IL16: variants seen among roughly 807,000 people sequenced by gnomAD.
IL16 encodes the protein interleukin 16.
A neutral mutation model predicts 110.1 loss-of-function variants in IL16; 67 were observed. The ratio of observed to expected loss-of-function variants is 0.61; its 90% CI spans 0.50 to 0.75. The LOEUF (loss-of-function observed/expected upper bound fraction) is 0.75. Ranked by LOEUF, IL16 falls within the 30% of genes least tolerant of loss-of-function variation. The pLI, the probability that IL16 is intolerant of heterozygous loss-of-function variation, is 0.00. For missense variants in IL16, 1,545 were observed against 1,655.0 expected, an observed-to-expected ratio of 0.93 and a Z score of 1.15; for synonymous variants, 689 against 662.9, an observed-to-expected ratio of 1.04 and a Z score of -0.61.
intron 12 of IL16, among the ~76,000 whole-genome samples, chr15:81,295,963 C>T (rs1294143775): frequency 1.3e-5 from 2 of 152,164 alleles, no homozygotes; most frequent in Non-Finnish European, 2.9e-5. Context: ...GACGTGGAGG[C>T]CACCGCAGTA....
chr15:81,220,940 T>C (rs759383743), intron 1 of IL16, among the ~76,000 whole-genome samples: 1 of 152,182 alleles, frequency 6.6e-6, no homozygotes, highest in Non-Finnish European at 1.5e-5. Context: ...TCAATTCAGC[T>C]CTATCCTTTT....
chr15:81,290,552 G>T lies in IL16; in HGVS notation c.1420+12G>T. On this transcript the variant is annotated intron_variant, in intron 11 of 18. Transcript: ENST00000683961. ...GTGGAGTCTGGAAGGTAAGACAAAT[G>T]GTGAACTTTGATGTAAAATATCTTT... 6.4e-7 allele frequency: 1 copy of T among 1,564,634 alleles called. No individual in the cohort carries two copies. Among genetic ancestry groups the T allele is most frequent in the South Asian group, 1.1e-5 (1 of 88,434 alleles).
intron 13 of IL16, among the ~76,000 whole-genome samples, chr15:81,297,728 GA>G (rs1316561503): frequency 6.6e-6 from 1 of 152,178 alleles, no homozygotes; most frequent in Non-Finnish European, 1.5e-5. Flanking sequence ...CCAAGCATAT[GA>G]TGCATTCAGC....
chr15:81,240,653 C>G (rs1897310293), intron 2 of IL16, among the ~76,000 whole-genome samples: 1 of 152,058 alleles, frequency 6.6e-6, no homozygotes, highest in South Asian at 2.1e-4. Context: ...ATAGAAACTT[C>G]AATGTTATAT....
At chr15:81,193,764 C>T (rs1895536070), upstream of IL16, among the ~76,000 whole-genome samples, 1 of 152,100 alleles carries the variant, frequency 6.6e-6, no homozygotes, top group South Asian at 2.1e-4. Context: ...CATGTAACTT[C>T]TCTGAGTCTC....
In IL16 at chr15:81,301,446, G is replaced by A. The variant is rs201366437; in HGVS notation, c.3252G>A (p.Leu1084=). Residue 1084 remains leucine, a synonymous_variant, in exon 15 of 19, where the codon CTG becomes CTA. Transcript: ENST00000683961. Reference sequence around the variant, plus strand: ...AGTCTGGTCAGTCCGTTATCTCCCTGCTGAGCTCAGAAGAATTAAAAAAAC... The same window carrying A: ...AGTCTGGTCAGTCCGTTATCTCCCTACTGAGCTCAGAAGAATTAAAAAAAC... The part of the protein sequence containing the change: ...SLQSGQSVIS[L]LSSEELKKLI... The A allele has an allele frequency of 3.8e-5, 61 of 1,614,134 alleles. No individual in the cohort carries two copies. Among genetic ancestry groups the A allele is most frequent in the Non-Finnish European group, 4.9e-5 (58 of 1,180,000 alleles).
intron 3 of IL16, among the ~76,000 whole-genome samples, chr15:81,260,590 C>T (rs1392076047): frequency 6.6e-6 from 1 of 152,204 alleles, no homozygotes; most frequent in Non-Finnish European, 1.5e-5. Context: ...CTCAGGTTTT[C>T]ACTAGTCTAA....
At chr15:81,205,499 C>A (rs528333929) in intron 1 of IL16, among the ~76,000 whole-genome samples, 1 of 151,558 alleles carries the variant, frequency 6.6e-6, no homozygotes, top group African/African-American at 2.4e-5. Flanking sequence ...TACATAGCCA[C>A]CAGTAATATC....
chr15:81,246,341 C>T (rs943853923), intron 2 of IL16, among the ~76,000 whole-genome samples: 1 of 152,152 alleles, frequency 6.6e-6, no homozygotes, highest in Non-Finnish European at 1.5e-5. Flanking sequence ...ACCATCTCCC[C>T]ACCCCTAACC....
intron 6 of IL16, among the ~76,000 whole-genome samples, chr15:81,278,162 C>T (rs1472803414): frequency 6.6e-6 from 1 of 152,120 alleles, no homozygotes. Flanking sequence ...ATCCAAACCA[C>T]ATCCACTGAG....
At chr15:81,228,322 AT>A (rs34038033) in intron 2 of IL16, among the ~76,000 whole-genome samples, 30,852 of 140,318 alleles carry the variant, frequency 0.22, 4,918 homozygotes, top group African/African-American at 0.48. Flanking sequence ...TGTACAACAC[AT>A]TTTTTTTTTT....
intron 2 of IL16, among the ~76,000 whole-genome samples, chr15:81,245,912 A>G (rs938267065): frequency 6.6e-6 from 1 of 151,648 alleles, no homozygotes; most frequent in Non-Finnish European, 1.5e-5. Context: ...TTTAACATCA[A>G]ATATCTAGAG....
chr15:81,233,682 T>C (rs1897090988), intron 2 of IL16, among the ~76,000 whole-genome samples: 1 of 152,088 alleles, frequency 6.6e-6, no homozygotes, highest in Non-Finnish European at 1.5e-5. Flanking sequence ...TATATACATA[T>C]ATATTTGTTG....
In IL16 at chr15:81,293,791, A is replaced by G. The variant is rs1899857260; in HGVS notation, c.1902+754A>G. On this transcript the variant is annotated intron_variant, in intron 12 of 18. Transcript: ENST00000683961. ...CCTTGCATAAAAGGCAGACTGACTG[A>G]CAGACAGCTGCTGTGTCTAGAACCA... is the stretch of plus-strand genomic sequence containing the variant. 2.0e-5 allele frequency among the ~76,000 whole-genome samples: 3 copies of G among 152,234 alleles called. No individual in the cohort carries two copies. The South Asian group carries it at 6.2e-4, about 32-fold the overall frequency.
intron 13 of IL16, among the ~76,000 whole-genome samples, chr15:81,297,437 A>G (rs1900044995): frequency 6.6e-6 from 1 of 152,210 alleles, no homozygotes; most frequent in African/African-American, 2.4e-5. Flanking sequence ...GTCCTGCTGC[A>G]TTCAGGATTT....
rs569487568 is a variant in IL16 at position 81,199,320 on chromosome 15, T to G, written c.-102+2168T>G. On this transcript the variant is annotated intron_variant, in intron 1 of 18. Transcript: ENST00000683961. Reference sequence around the variant, plus strand: ...AATAAGGACGAATCTATGTCAGTCTTGTAAACTAGACAGTGTTGCTCAGTG... The same window carrying G: ...AATAAGGACGAATCTATGTCAGTCTGGTAAACTAGACAGTGTTGCTCAGTG... Among the ~76,000 whole-genome samples, 573 of 152,252 alleles carry G rather than the reference T, an allele frequency of 3.8e-3. 2 individuals carry two copies. Among genetic ancestry groups the G allele is most frequent in the Non-Finnish European group, 6.0e-3 (411 of 68,000 alleles).
intron 2 of IL16, among the ~76,000 whole-genome samples, chr15:81,237,589 T>C (rs1345537841): frequency 6.6e-6 from 1 of 152,198 alleles, no homozygotes; most frequent in Non-Finnish European, 1.5e-5. Flanking sequence ...ACCGTTAACT[T>C]TGAGATTATT....
intron 2 of IL16, among the ~76,000 whole-genome samples, chr15:81,252,746 C>T (rs1250985506): frequency 3.3e-5 from 5 of 152,158 alleles, no homozygotes; most frequent in Non-Finnish European, 5.9e-5. Context: ...TGTGGTCTCT[C>T]GTGACTGGCT....
Position 81,236,684 on chromosome 15 carries a change from G to A in IL16, c.312+10973G>A, listed in dbSNP as rs576355320. On this transcript the variant is annotated intron_variant, in intron 2 of 18. Coordinates refer to ENST00000683961, the MANE Select transcript of IL16 (RefSeq NM_172217.5). ...AGAAGAGGAGAATAAGGCCGGGCGC[G>A]GTGGCTCATGCCTGTAATTACAATA... Among the ~76,000 whole-genome samples the A allele has an allele frequency of 7.4e-4, 112 of 152,182 alleles. 1 individual carries two copies. Among genetic ancestry groups the A allele is most frequent in the African/African-American group, 2.3e-3 (96 of 41,534 alleles).
Sources: gnomAD v4.1 joint callset for allele counts (sites outside exome capture counted in the v4.1 genomes callset) on GRCh38, gnomAD v4.1.1 for gene constraint, MANE v1.5 for transcripts, NCBI Gene and HGNC (gene_info 2026-07-23, HGNC 2026-07-21) for gene names.